SOCS2: variants seen among roughly 807,000 people sequenced by gnomAD.
The protein encoded by SOCS2 is CIS-2.
A neutral mutation model predicts 18.6 loss-of-function variants in SOCS2; 10 were observed. That is an observed-to-expected ratio of 0.54 (90% confidence interval 0.33 to 0.91). The LOEUF is 0.91. Ranked by LOEUF, SOCS2 falls within the 40% of genes least tolerant of loss-of-function variation. The pLI, the probability that SOCS2 is intolerant of heterozygous loss-of-function variation, is 0.02. For synonymous variants in SOCS2, 104 were observed against 104.0 expected, an observed-to-expected ratio of 1.00 and a Z score of 0.00; for missense variants, 231 against 247.2, an observed-to-expected ratio of 0.93 and a Z score of 0.44.
At chr12:93,614,826 C>T in the SOCS2 span, among the ~76,000 whole-genome samples, 1 of 151,270 alleles carries the variant, frequency 6.6e-6, no homozygotes, top group East Asian at 2.0e-4. Context: ...GTTGGCTAGG[C>T]TGGTCTTGAA....
the SOCS2 span, among the ~76,000 whole-genome samples, chr12:93,612,094 C>T: frequency 2.0e-5 from 3 of 152,126 alleles, no homozygotes; most frequent in Non-Finnish European, 4.4e-5. Flanking sequence ...TAGAACGACC[C>T]TGTGAGCAAC....
the SOCS2 span, among the ~76,000 whole-genome samples, chr12:93,603,094 C>G: frequency 6.6e-6 from 1 of 152,154 alleles, no homozygotes; most frequent in Non-Finnish European, 1.5e-5. Context: ...TAGCTGTTCC[C>G]CGAAGCTATG....
chr12:93,617,665 T>C, the SOCS2 span, among the ~76,000 whole-genome samples: 1 of 151,904 alleles, frequency 6.6e-6, no homozygotes, highest in African/African-American at 2.4e-5. Flanking sequence ...CTTCAAAATA[T>C]GTAATAATCA....
the SOCS2 span, among the ~76,000 whole-genome samples, chr12:93,622,768 C>T: frequency 6.6e-6 from 1 of 152,106 alleles, no homozygotes. Context: ...CTGCCAGGCA[C>T]ATCTCACTCA....
At chr12:93,604,577 T>C in the SOCS2 span, among the ~76,000 whole-genome samples, 2 of 152,226 alleles carry the variant, frequency 1.3e-5, no homozygotes, top group South Asian at 4.1e-4. Context: ...TAGACTTACA[T>C]TCGTAAAGTG....
At chr12:93,585,653 A>C (rs897678159), downstream of SOCS2, among the ~76,000 whole-genome samples, 2 of 152,148 alleles carry the variant, frequency 1.3e-5, no homozygotes, top group East Asian at 3.8e-4. Flanking sequence ...TAGCCTCTTT[A>C]ATTCCATTTC....
At chr12:93,595,267 C>G in the SOCS2 span, among the ~76,000 whole-genome samples, 1 of 152,100 alleles carries the variant, frequency 6.6e-6, no homozygotes, top group Non-Finnish European at 1.5e-5. Flanking sequence ...CATATTTTAA[C>G]TAATTTTATG....
chr12:93,583,782 T>A (rs1391838774), downstream of SOCS2, among the ~76,000 whole-genome samples: 1 of 152,232 alleles, frequency 6.6e-6, no homozygotes, highest in Non-Finnish European at 1.5e-5. Flanking sequence ...CATTTACTAA[T>A]GCCAGGTGTT....
At chr12:93,594,705 G>A in the SOCS2 span, among the ~76,000 whole-genome samples, 10 of 152,136 alleles carry the variant, frequency 6.6e-5, no homozygotes, top group Non-Finnish European at 1.2e-4. Context: ...ATAAATATAT[G>A]TTTGACCCAC....
chr12:93,597,658 A>G, the SOCS2 span, among the ~76,000 whole-genome samples: 1 of 152,222 alleles, frequency 6.6e-6, no homozygotes, highest in African/African-American at 2.4e-5. Flanking sequence ...ATTATGAAAT[A>G]GCTCATCAGA....
chr12:93,598,375 A>G, the SOCS2 span, among the ~76,000 whole-genome samples: 6 of 152,038 alleles, frequency 3.9e-5, no homozygotes, highest in Non-Finnish European at 8.8e-5. Flanking sequence ...AGGACCAAAG[A>G]GATGGCACCG....
chr12:93,591,088 T>C, the SOCS2 span, among the ~76,000 whole-genome samples: 2 of 152,038 alleles, frequency 1.3e-5, no homozygotes, highest in Admixed American at 6.6e-5. Context: ...TATTGAAATA[T>C]AAATTTTAGG....
At chr12:93,597,045 G>A in the SOCS2 span, among the ~76,000 whole-genome samples, 1 of 152,192 alleles carries the variant, frequency 6.6e-6, no homozygotes, top group Non-Finnish European at 1.5e-5. Flanking sequence ...TGTGGAGATA[G>A]TACAGAGAAG....
the SOCS2 span, among the ~76,000 whole-genome samples, chr12:93,614,984 G>T: frequency 6.7e-6 from 1 of 149,986 alleles, no homozygotes; most frequent in African/African-American, 2.4e-5. Flanking sequence ...TTGAGCAGCC[G>T]GCAAAGGATC....
chr12:93,603,835 C>T, the SOCS2 span, among the ~76,000 whole-genome samples: 8 of 152,024 alleles, frequency 5.3e-5, no homozygotes, highest in East Asian at 3.9e-4. Context: ...GAAATGTGGC[C>T]GCCTGCTCCT....
At chr12:93,595,024 G>C in the SOCS2 span, among the ~76,000 whole-genome samples, 1 of 152,128 alleles carries the variant, frequency 6.6e-6, no homozygotes, top group East Asian at 1.9e-4. Context: ...TAAACTATGT[G>C]ATGGGTATTA....
chr12:93,575,102 T>G lies in SOCS2; in HGVS notation c.520T>G (p.Cys174Gly), dbSNP rs1211158149. ...TCTCTGTAGGCTCACCATTAACAAA[T>G]GTACCGGTGCCATCTGGGGACTGCC... ...QHLCRLTINK[C>G]TGAIWGLPLP... The change falls in exon 2 of 2, where the codon TGT becomes GGT. Residue 174 changes from cysteine to glycine, a missense_variant. Cys to Gly is a radical substitution (Grantham distance 159, BLOSUM62 -3). Around this residue, in one of 3 missense-constraint regions of SOCS2, gnomAD observed 122 missense variants for 127.2 expected, o/e 0.96. Transcript: ENST00000551556. 1 of 1,610,668 alleles carries G rather than the reference T, an allele frequency of 6.2e-7. No individual in the cohort carries two copies. The highest frequency in any genetic ancestry group is 2.2e-5 in the East Asian group (1 of 44,884).
chr12:93,572,666 T>A, upstream of SOCS2: 167 of 617,054 alleles, frequency 2.7e-4, no homozygotes, highest in Non-Finnish European at 3.5e-4. The surrounding 1 kb of genome is among the most constrained non-coding windows in gnomAD (Gnocchi z 5.0). Flanking sequence ...TGACCCAACC[T>A]CCCGCTTTCT....
chr12:93,572,955 TG>T lies in SOCS2; in HGVS notation c.63del (p.Thr22ProfsTer32). On this transcript the variant is annotated frameshift_variant, in exon 1 of 2. Transcript: ENST00000551556. LOFTEE classifies it high-confidence loss of function. This position sits in a 1 kb window ranked among gnomAD's most constrained non-coding sequence, Gnocchi z 5.0. ...TGGCGGGGAAGGGACGCGGAGCCAG[TG>T]GGGGACCGCGGGGTCGGCGGAGGAG... ...GNGGEGTRSQ[W>X]GTAGSAEEPS... 6.4e-7 allele frequency: 1 copy of T among 1,569,736 alleles called. No homozygotes were observed. The highest frequency in any genetic ancestry group is 8.6e-7 in the Non-Finnish European group (1 of 1,157,198).
Sources: allele counts gnomAD v4.1 joint callset (sites outside exome capture counted in the v4.1 genomes callset), GRCh38; gene constraint gnomAD v4.1.1; regional missense constraint gnomAD v4.1.1; non-coding constraint Gnocchi (gnomAD v3.1); transcripts MANE v1.5; gene names NCBI Gene and HGNC (gene_info 2026-07-23, HGNC 2026-07-21).